The following MYT1L variants were observed in gnomAD, a reference collection of about 807,000 sequenced individuals.
The protein encoded by MYT1L is myelin transcription factor 1-like protein.
MYT1L carries 12 observed loss-of-function variants against 126.7 expected under a neutral mutation model. The ratio of observed to expected loss-of-function variants is 0.09; its 90% CI spans 0.06 to 0.15. The LOEUF (loss-of-function observed/expected upper bound fraction) is 0.15, where lower values mean the gene tolerates loss of function less well. MYT1L is among the 10% of genes least tolerant of loss of function. The probability of loss-of-function intolerance (pLI) is 1.00; values close to 1 mark genes in which losing one functional copy is unlikely to be tolerated. For synonymous variants in MYT1L, 541 were observed against 604.2 expected (o/e 0.90, Z 1.53); for missense variants, 979 against 1,585.2 (o/e 0.62, Z 6.49).
chr2:1,823,209 A>C (rs969806335), intron 21 of MYT1L, among the ~76,000 whole-genome samples: 1 of 152,218 alleles, frequency 6.6e-6, no homozygotes, highest in East Asian at 1.9e-4. Context: ...CTCCCCAGGC[A>C]GACCCAGCAG....
Position 1,910,468 on chromosome 2 carries a change from A to C in MYT1L, c.1710-121T>G. On this transcript the variant is annotated intron_variant, in intron 12 of 24. Coordinates refer to ENST00000647738, the MANE Select transcript of MYT1L (RefSeq NM_001303052.2). This position sits in a 1 kb window ranked among gnomAD's most constrained non-coding sequence, Gnocchi z 4.8. ...CTGGTGAGGGAGGGGTAGTTTCCCA[A>C]ACCTGGCACAGGCAGTCCTGATGGG... The C allele has an allele frequency of 1.2e-6, 1 of 829,360 alleles. No individual in the cohort carries two copies. The highest frequency in any genetic ancestry group is 1.9e-6 in the Non-Finnish European group (1 of 514,604). 51.4% of individuals were successfully genotyped at this position (829,360 alleles called of 1,614,324 possible).
intron 8 of MYT1L, among the ~76,000 whole-genome samples, chr2:1,946,087 C>T (rs763126416): frequency 2.0e-5 from 3 of 152,094 alleles, no homozygotes; most frequent in Non-Finnish European, 2.9e-5. Context: ...TGCCTCCTGT[C>T]AGATCAGCAG....
At chr2:2,168,164 C>T (rs183682311) in intron 3 of MYT1L, among the ~76,000 whole-genome samples, 1 of 152,216 alleles carries the variant, frequency 6.6e-6, no homozygotes, top group Admixed American at 6.5e-5. Context: ...CTATGAGTAA[C>T]TCTGCAGAAC....
chr2:1,975,669 C>T (rs1328146899), intron 8 of MYT1L, among the ~76,000 whole-genome samples: 1 of 151,958 alleles, frequency 6.6e-6, no homozygotes, highest in Non-Finnish European at 1.5e-5. Flanking sequence ...TTCGAGAGCA[C>T]CCTGGCCAAC....
chr2:1,842,487 A>AGGC (rs1413402977), intron 19 of MYT1L: 1 of 152,188 alleles, frequency 6.6e-6, no homozygotes, highest in Non-Finnish European at 1.5e-5. Context: ...AGAGGCGGCG[A>AGGC]GGCGAGGGCA....
intron 3 of MYT1L, among the ~76,000 whole-genome samples, chr2:2,101,346 G>A (rs1264763776): frequency 1.3e-5 from 2 of 151,992 alleles, no homozygotes; most frequent in Non-Finnish European, 2.9e-5. Context: ...ATGACTGTAT[G>A]CTGGCTGCTT....
At chr2:2,293,833 G>T (rs2095634580) in intron 1 of MYT1L, among the ~76,000 whole-genome samples, 1 of 152,156 alleles carries the variant, frequency 6.6e-6, no homozygotes, top group Non-Finnish European at 1.5e-5. Context: ...AAAGATGTGG[G>T]ACGAGATCCT....
At position 1,792,541 on chromosome 2, in the gene MYT1L, C is replaced by G. The variant is rs1402978810; in HGVS notation, c.3277-77G>C. On this transcript the variant is annotated intron_variant, in intron 23 of 24. Coordinates refer to ENST00000647738, the MANE Select transcript of MYT1L (RefSeq NM_001303052.2). ...CGTGGTCGTTGCCGGGGGCCACAGTCTACTGGGTGCGAAGAAGGGGCCTCT... is the reference window on the plus strand; with the variant it reads ...CGTGGTCGTTGCCGGGGGCCACAGTGTACTGGGTGCGAAGAAGGGGCCTCT... 3.4e-6 allele frequency: 5 copies of G among 1,477,228 alleles called. No individual in the cohort carries two copies. The African/African-American group carries it at 5.6e-5, about 16-fold the overall frequency. The allele number at this position is 1,477,228 out of a possible 1,614,324, so 91.5% of individuals were successfully genotyped here.
chr2:2,015,764 A>G (rs1056406373), intron 4 of MYT1L, among the ~76,000 whole-genome samples: 4 of 152,238 alleles, frequency 2.6e-5, no homozygotes, highest in African/African-American at 9.6e-5. Context: ...CCCGGGTTCC[A>G]GGACAGGTTC....
chr2:2,275,202 A>ATGTGTGTGTGTGTGTGTGTGTGTGTGTG (rs10522538), intron 2 of MYT1L, among the ~76,000 whole-genome samples: 1 of 139,452 alleles, frequency 7.2e-6, no homozygotes, highest in Non-Finnish European at 1.5e-5. Context: ...TAATAATAAA[A>ATGTGTGTGTGTGTGTGTGTGTGTGTGTG]TGTGTGTGTG....
At chr2:2,259,520 C>A (rs1363592264) in intron 2 of MYT1L, among the ~76,000 whole-genome samples, 1 of 151,456 alleles carries the variant, frequency 6.6e-6, no homozygotes, top group Non-Finnish European at 1.5e-5. Context: ...ATCTTAAATA[C>A]ATATAGTTTT....
chr2:2,096,280 G>C (rs1228618027), intron 3 of MYT1L, among the ~76,000 whole-genome samples: 1 of 152,214 alleles, frequency 6.6e-6, no homozygotes, highest in East Asian at 1.9e-4. Context: ...TTCCTGCTGT[G>C]CAAGGGACAT....
At chr2:1,932,856 G>T (rs1406967574) in intron 9 of MYT1L, among the ~76,000 whole-genome samples, 2 of 152,172 alleles carry the variant, frequency 1.3e-5, no homozygotes, top group Non-Finnish European at 2.9e-5. Flanking sequence ...GGAGGGCTGG[G>T]AGGTTGAGGC....
intron 2 of MYT1L, among the ~76,000 whole-genome samples, chr2:2,234,548 G>A (rs7562277): frequency 0.036 from 5,407 of 152,218 alleles, 315 homozygotes; most frequent in African/African-American, 0.12. Context: ...AAGCAGTGTG[G>A]CGTGGAACCC....
chr2:1,875,243 G>C (rs2046762749), intron 18 of MYT1L, among the ~76,000 whole-genome samples: 1 of 152,084 alleles, frequency 6.6e-6, no homozygotes, highest in South Asian at 2.1e-4. Flanking sequence ...GTGACATCCT[G>C]AGGCGGGAAA....
intron 1 of MYT1L, among the ~76,000 whole-genome samples, chr2:2,307,444 G>C (rs1350179191): frequency 6.6e-6 from 1 of 152,070 alleles, no homozygotes; most frequent in Non-Finnish European, 1.5e-5. Context: ...TAAAACATTT[G>C]GGAGGACAAT....
intron 11 of MYT1L, among the ~76,000 whole-genome samples, chr2:1,916,477 T>C (rs182380225): frequency 1.9e-4 from 29 of 152,318 alleles, no homozygotes; most frequent in African/African-American, 6.0e-4. Flanking sequence ...CCCTGAACCA[T>C]CAATTCTAGC....
chr2:2,187,876 CATTCTGAAAAAAAGTTCTCA>C (rs2092323217), intron 2 of MYT1L, among the ~76,000 whole-genome samples: 1 of 152,102 alleles, frequency 6.6e-6, no homozygotes, highest in Non-Finnish European at 1.5e-5. Context: ...AATTTAAGAA[CATTCTGAAAAAAAGTTCTCA>C]GATTATCCCT....
At chr2:2,217,709 A>AACAACAAC (rs1559367309) in intron 2 of MYT1L, among the ~76,000 whole-genome samples, 13 of 119,874 alleles carry the variant, frequency 1.1e-4, no homozygotes, top group Admixed American at 7.6e-4. Flanking sequence ...ACAACAACAA[A>AACAACAAC]AAAAAAAAAA....
Sources: gnomAD v4.1 joint callset for allele counts (sites outside exome capture counted in the v4.1 genomes callset) on GRCh38, gnomAD v4.1.1 for gene constraint, Gnocchi (gnomAD v3.1) non-coding constraint, MANE v1.5 for transcripts, NCBI Gene and HGNC (gene_info 2026-07-23, HGNC 2026-07-21) for gene names.